METTL27: variants seen among roughly 807,000 people sequenced by gnomAD.
The protein encoded by METTL27 is methyltransferase-like protein 27.
METTL27 carries 29 observed loss-of-function variants against 24.5 expected under a neutral mutation model. The ratio of observed to expected loss-of-function variants is 1.18; its 90% CI spans 0.88 to 1.61. The LOEUF (loss-of-function observed/expected upper bound fraction) is 1.61. Ranked by LOEUF, METTL27 falls within the 40% of genes most tolerant of loss-of-function variation. METTL27 has a pLI of 0.00. For synonymous variants in METTL27, 138 were observed against 146.8 expected (o/e 0.94, Z 0.43); for missense variants, 341 against 324.3 (o/e 1.05, Z -0.40).
rs1554634712 is a variant in METTL27, at chr7:73,834,805, C to G, written c.676G>C (p.Ala226Pro). The G allele has an allele frequency of 1.2e-6, 2 of 1,614,022 alleles. No homozygotes were observed. Among genetic ancestry groups the G allele is most frequent in the African/African-American group, 1.3e-5 (1 of 74,922 alleles). Residue 226 changes from alanine (A) to proline (P), a missense_variant, in exon 6 of 6, where the codon GCT becomes CCT. Transcript: ENST00000297873. ...RWYPASLPRM[A>P]SSPALSTCTE... The stretch of plus-strand genomic sequence containing the variant: ...CAGGTAGACAATGCCGGAGATGAAG[C>G]CATCCTTGGCAGAGATGCCGGATAC...
chr7:73,842,245 C>G (rs782615262), intron 1 of METTL27, 101 bp from the exon 2 acceptor site: 302 of 1,489,158 alleles, frequency 2.0e-4, no homozygotes, highest in Non-Finnish European at 2.5e-4. Context: ...GCCAGGCCTC[C>G]TGCCAGCGCG....
In METTL27 at chr7:73,834,714, G is replaced by A. The variant is rs1554634675; in HGVS notation, c.*29C>T. On this transcript the variant is annotated 3_prime_UTR_variant, in exon 6 of 6. Coordinates refer to ENST00000297873, the MANE Select transcript of METTL27 (RefSeq NM_152559.3). ...GCCCAGCTAAGGCCACATGGAGTCA[G>A]GGGCCAGCTGGGGGCTGGGGGCTGG... is the stretch of plus-strand genomic sequence containing the variant. 1 of 1,599,386 alleles carries A rather than the reference G, an allele frequency of 6.3e-7. No homozygotes were observed. The highest frequency in any genetic ancestry group is 1.7e-5 in the Admixed American group (1 of 58,330).
At position 73,834,658 on chromosome 7, in the gene METTL27, A is replaced by T; in HGVS notation, c.*85T>A. 1 of 1,269,542 alleles carries T rather than the reference A, an allele frequency of 7.9e-7. No individual in the cohort carries two copies. Among genetic ancestry groups the T allele is most frequent in the Non-Finnish European group, 1.1e-6 (1 of 910,302 alleles). The allele number at this position is 1,269,542 out of a possible 1,614,324, so 78.6% of individuals were successfully genotyped here. ...AGGGTTGGTTCGGAGGTCCCATTTT[A>T]CAGGGGAGGCAGAGGAGGCCCAGCA... is the stretch of plus-strand genomic sequence containing the variant. On this transcript the variant is annotated 3_prime_UTR_variant, in exon 6 of 6. Coordinates refer to ENST00000297873, the MANE Select transcript of METTL27 (RefSeq NM_152559.3).
chr7:73,836,927 G>A (rs2130546104), intron 5 of METTL27, among the ~76,000 whole-genome samples: 1 of 131,842 alleles, frequency 7.6e-6, no homozygotes, highest in East Asian at 2.1e-4. Flanking sequence ...TTTTCATTTT[G>A]TTCTGTACTA....
At position 73,840,136 on chromosome 7, in the gene METTL27, GGGGGGTGGGGA is replaced by G; in HGVS notation, c.389-27_389-17del. The G allele has an allele frequency of 6.8e-7, 1 of 1,471,390 alleles. No individual in the cohort carries two copies. Among genetic ancestry groups the G allele is most frequent in the Non-Finnish European group, 9.4e-7 (1 of 1,069,388 alleles). The allele number at this position is 1,471,390 out of a possible 1,614,324, so 91.1% of individuals were successfully genotyped here. ...TCGAAGGTCCCTGTGTGTGTGTGGGGGGGGGTGGGGACATGGTGTGATGCTTGGAAGGTACT... is the reference window on the plus strand; with the variant it reads ...TCGAAGGTCCCTGTGTGTGTGTGGGGCATGGTGTGATGCTTGGAAGGTACT... On this transcript the variant is annotated splice_polypyrimidine_tract_variant and intron_variant, in intron 4 of 5. Coordinates refer to ENST00000297873, the MANE Select transcript of METTL27 (RefSeq NM_152559.3).
chr7:73,840,248 C>G, intron 4 of METTL27, 128 bp from the exon 5 acceptor site: 1 of 1,454,168 alleles, frequency 6.9e-7, no homozygotes, highest in Non-Finnish European at 9.2e-7. Context: ...CCCAGGTCCC[C>G]TAGAGGATAA....
At chr7:73,839,871 G>T in intron 5 of METTL27, 160 bp downstream of exon 5, 1 of 611,870 alleles carries the variant, frequency 1.6e-6, no homozygotes, top group Non-Finnish European at 2.6e-6. Flanking sequence ...GCCTGGGTCT[G>T]CTGTTGGTGG....
chr7:73,837,170 A>G (rs1319641162), intron 5 of METTL27, among the ~76,000 whole-genome samples: 5 of 143,792 alleles, frequency 3.5e-5, no homozygotes, highest in African/African-American at 1.3e-4. Flanking sequence ...TCCTCTGCCT[A>G]GGAAAACCAG....
chr7:73,835,756 C>G (rs1326639600), intron 5 of METTL27, among the ~76,000 whole-genome samples: 3 of 80,684 alleles, frequency 3.7e-5, no homozygotes, highest in South Asian at 7.7e-4. Context: ...GCCATCCGAC[C>G]TAGGAAGTGA....
chr7:73,836,519 C>A (rs1584336408), intron 5 of METTL27, among the ~76,000 whole-genome samples: 1 of 79,100 alleles, frequency 1.3e-5, no homozygotes. Context: ...CCGCCCCATC[C>A]GGGAGGGAGG....
At chr7:73,837,651 C>A (rs921918538) in intron 5 of METTL27, among the ~76,000 whole-genome samples, 27 of 152,166 alleles carry the variant, frequency 1.8e-4, no homozygotes, top group African/African-American at 6.3e-4. Flanking sequence ...TCAGCCTCCG[C>A]CTCCTGGGTT....
chr7:73,841,612 A>T (rs749825534), intron 2 of METTL27, among the ~76,000 whole-genome samples: 1 of 151,616 alleles, frequency 6.6e-6, no homozygotes, highest in Non-Finnish European at 1.5e-5. Context: ...AGCTGGGATT[A>T]CCAGGCGCCT....
intron 5 of METTL27, among the ~76,000 whole-genome samples, chr7:73,835,274 G>A (rs1195631556): frequency 1.4e-5 from 2 of 142,932 alleles, no homozygotes; most frequent in Non-Finnish European, 3.1e-5. Context: ...CTCATGCTGA[G>A]CCGAAGCTGG....
At chr7:73,840,247 C>T in intron 4 of METTL27, 127 bp from the exon 5 acceptor site, 1 of 1,452,098 alleles carries the variant, frequency 6.9e-7, no homozygotes, top group Non-Finnish European at 9.2e-7. Flanking sequence ...ACCCAGGTCC[C>T]CTAGAGGATA....
intron 5 of METTL27, among the ~76,000 whole-genome samples, chr7:73,836,884 G>C (rs1228401029): frequency 2.7e-5 from 3 of 109,970 alleles, no homozygotes; most frequent in South Asian, 3.0e-4. Context: ...GATGGTTGCC[G>C]TGTCTGTGTA....
intron 2 of METTL27, 36 bp from the exon 3 acceptor site, chr7:73,841,234 C>T: frequency 1.2e-5 from 18 of 1,546,930 alleles, no homozygotes; most frequent in Non-Finnish European, 1.6e-5. Context: ...ACACCGGTGC[C>T]CCAGTGTTTG....
intron 5 of METTL27, among the ~76,000 whole-genome samples, chr7:73,836,005 C>G (rs1416844229): frequency 3.1e-3 from 305 of 98,730 alleles, no homozygotes; most frequent in African/African-American, 0.012. Context: ...AGTGAGGAGC[C>G]CCTCCGCCCG....
chr7:73,837,374 A>G (rs1367877332), intron 5 of METTL27, among the ~76,000 whole-genome samples: 1 of 148,586 alleles, frequency 6.7e-6, no homozygotes, highest in Non-Finnish European at 1.5e-5. Context: ...ATAAATAAAT[A>G]AATAAATAAA....
At chr7:73,835,323 GCCTGACTCT>G (rs1554634893) in intron 5 of METTL27, among the ~76,000 whole-genome samples, 1 of 143,246 alleles carries the variant, frequency 7.0e-6, no homozygotes, top group African/African-American at 2.7e-5. Context: ...CAACCTCCCT[GCCTGACTCT>G]CCTGACTCAG....
Sources: gnomAD v4.1 joint callset for allele counts (sites outside exome capture counted in the v4.1 genomes callset) on GRCh38, gnomAD v4.1.1 for gene constraint, MANE v1.5 for transcripts, NCBI Gene and HGNC (gene_info 2026-07-23, HGNC 2026-07-21) for gene names.